INPP4B: variants seen among roughly 807,000 people sequenced by gnomAD.
The protein encoded by INPP4B is inositol polyphosphate 4-phosphatase type II.
A neutral mutation model predicts 122.5 loss-of-function variants in INPP4B; 55 were observed. The ratio of observed to expected loss-of-function variants is 0.45; its 90% CI spans 0.36 to 0.56. INPP4B has a LOEUF of 0.56. INPP4B is among the 20% of genes least tolerant of loss of function. The pLI is 0.00. For synonymous variants in INPP4B, 403 were observed against 388.7 expected (o/e 1.04, Z -0.43); for missense variants, 1,000 against 1,097.7 (o/e 0.91, Z 1.26).
intron 16 of INPP4B, among the ~76,000 whole-genome samples, chr4:142,164,431 C>T (rs190082370): frequency 9.2e-5 from 14 of 151,870 alleles, no homozygotes; most frequent in African/African-American, 3.4e-4. Context: ...ATCTATGCAG[C>T]AAGAATCCTG....
intron 7 of INPP4B, chr4:142,347,444 G>A: frequency 2.4e-6 from 1 of 418,498 alleles, no homozygotes; most frequent in South Asian, 1.8e-5. Flanking sequence ...TTGAAGTATT[G>A]CATCACAGCT....
At chr4:142,835,801 G>T (rs943847388) in intron 1 of INPP4B, among the ~76,000 whole-genome samples, 2 of 152,128 alleles carry the variant, frequency 1.3e-5, no homozygotes, top group African/African-American at 4.8e-5. Flanking sequence ...ATCTTCTTAG[G>T]TTAATGTAAA....
chr4:142,352,926 T>C (rs762535522), intron 7 of INPP4B, among the ~76,000 whole-genome samples: 1 of 151,982 alleles, frequency 6.6e-6, no homozygotes, highest in Non-Finnish European at 1.5e-5. Flanking sequence ...GTTACAAATA[T>C]AGTCACTTAG....
At chr4:142,714,678 C>T (rs1417590945) in intron 2 of INPP4B, among the ~76,000 whole-genome samples, 1 of 152,194 alleles carries the variant, frequency 6.6e-6, no homozygotes, top group Non-Finnish European at 1.5e-5. Flanking sequence ...AGGAAACTTA[C>T]ACCCAGGGAG....
chr4:142,794,959 T>C (rs1159069299), intron 1 of INPP4B, among the ~76,000 whole-genome samples: 1 of 151,644 alleles, frequency 6.6e-6, no homozygotes, highest in Non-Finnish European at 1.5e-5. Flanking sequence ...TGTATATACA[T>C]ATATATATTC....
chr4:142,364,030 G>T (rs1433777252), intron 7 of INPP4B, among the ~76,000 whole-genome samples: 1 of 151,798 alleles, frequency 6.6e-6, no homozygotes, highest in African/African-American at 2.4e-5. Context: ...GTGAGGGTGG[G>T]AAGATTCTAG....
chr4:142,809,296 TAAGAA>T (rs2151116727), intron 1 of INPP4B, among the ~76,000 whole-genome samples: 1 of 152,268 alleles, frequency 6.6e-6, no homozygotes, highest in South Asian at 2.1e-4. Flanking sequence ...TGATGTAATA[TAAGAA>T]AAGACGTTAA....
intron 2 of INPP4B, among the ~76,000 whole-genome samples, chr4:142,642,286 T>A (rs1340031776): frequency 6.6e-6 from 1 of 152,226 alleles, no homozygotes; most frequent in South Asian, 2.1e-4. Context: ...ATCCCATTTG[T>A]CAATTTTGGC....
At chr4:142,545,628 T>C (rs1829456751) in intron 2 of INPP4B, among the ~76,000 whole-genome samples, 1 of 151,758 alleles carries the variant, frequency 6.6e-6, no homozygotes, top group Non-Finnish European at 1.5e-5. Flanking sequence ...TATGTTCAAT[T>C]TTCACATACT....
intron 19 of INPP4B, among the ~76,000 whole-genome samples, chr4:142,124,370 T>C (rs1263006576): frequency 6.6e-6 from 1 of 152,170 alleles, no homozygotes; most frequent in Non-Finnish European, 1.5e-5. Context: ...TGTTAGAGAC[T>C]TGGCCATCTC....
chr4:142,783,850 T>C (rs1006953216), intron 1 of INPP4B, among the ~76,000 whole-genome samples: 4 of 152,094 alleles, frequency 2.6e-5, no homozygotes, highest in African/African-American at 9.7e-5. Context: ...ATAGTGAATG[T>C]AGAGCAGGGT....
At chr4:142,489,265 TTA>T (rs1418864949) in intron 2 of INPP4B, among the ~76,000 whole-genome samples, 6 of 152,170 alleles carry the variant, frequency 3.9e-5, no homozygotes. Flanking sequence ...AAACCTTCTT[TTA>T]TGGCCCAGCA....
intron 2 of INPP4B, among the ~76,000 whole-genome samples, chr4:142,577,688 T>C (rs191219733): frequency 1.3e-5 from 2 of 152,102 alleles, no homozygotes; most frequent in Non-Finnish European, 2.9e-5. Context: ...GCATAATATA[T>C]GTATCCATTT....
intron 1 of INPP4B, among the ~76,000 whole-genome samples, chr4:142,801,637 C>A (rs1232620710): frequency 6.6e-6 from 1 of 152,132 alleles, no homozygotes; most frequent in Non-Finnish European, 1.5e-5. Context: ...CCAACCCAAG[C>A]AAACCAGTAC....
At chr4:142,514,339 A>T (rs1028925926) in intron 2 of INPP4B, 1 of 152,194 alleles carries the variant, frequency 6.6e-6, no homozygotes, top group Non-Finnish European at 1.5e-5. Context: ...TACATCATTC[A>T]CCAATCACAA....
At chr4:142,791,146 A>G (rs1474525993) in intron 1 of INPP4B, among the ~76,000 whole-genome samples, 2 of 152,158 alleles carry the variant, frequency 1.3e-5, no homozygotes, top group Admixed American at 6.6e-5. Flanking sequence ...ATAGAGATAG[A>G]GAATATTGCA....
chr4:142,419,273 T>G (rs1201970460), intron 5 of INPP4B, among the ~76,000 whole-genome samples: 1 of 152,096 alleles, frequency 6.6e-6, no homozygotes, highest in Non-Finnish European at 1.5e-5. Flanking sequence ...GAAAGCTCTG[T>G]GGAAAAGTGA....
intron 23 of INPP4B, among the ~76,000 whole-genome samples, chr4:142,107,359 T>C (rs1323442069): frequency 1.3e-5 from 2 of 152,184 alleles, no homozygotes; most frequent in African/African-American, 2.4e-5. Flanking sequence ...GGTTAAAATA[T>C]TATAATTTTC....
rs1205879869 is a variant in INPP4B, at chr4:142,025,055, T to C, written c.*3727A>G. On this transcript the variant is annotated 3_prime_UTR_variant, in exon 26 of 26. Transcript: ENST00000262992. ...ATTTGATACTTTTTAAATAATTTTA[T>C]ACTGCCTCCAATAATTTATTTCCTA... is the stretch of plus-strand genomic sequence containing the variant. 1 of 152,246 alleles carries C rather than the reference T, an allele frequency of 6.6e-6. No individual in the cohort carries two copies. The highest frequency in any genetic ancestry group is 1.5e-5 in the Non-Finnish European group (1 of 68,004). The allele number at this position is 152,246 out of a possible 1,614,324, so 9.4% of individuals were successfully genotyped here. A position where few individuals can be genotyped will look rare whatever the true frequency, so the allele number is the denominator to read the frequency against.
Sources: gnomAD v4.1 joint callset for allele counts (sites outside exome capture counted in the v4.1 genomes callset) on GRCh38, gnomAD v4.1.1 for gene constraint, MANE v1.5 for transcripts, NCBI Gene and HGNC (gene_info 2026-07-23, HGNC 2026-07-21) for gene names.